The following PCDHA9 variants were observed in gnomAD, a reference collection of about 807,000 sequenced individuals.
The protein encoded by PCDHA9 is protocadherin alpha-9.
PCDHA9 carries 62 observed loss-of-function variants against 62.0 expected under a neutral mutation model. That is an observed-to-expected ratio of 1.00 (90% CI 0.81 to 1.23). The LOEUF (loss-of-function observed/expected upper bound fraction) is 1.23. PCDHA9 is among the 50% of genes most tolerant of loss of function. The pLI is 0.00. For synonymous variants in PCDHA9, 557 were observed against 567.6 expected (o/e 0.98, Z 0.27); for missense variants, 1,205 against 1,249.8 (o/e 0.96, Z 0.54).
chr5:140,974,744 T>A (rs966437450), intron 1 of PCDHA9, among the ~76,000 whole-genome samples: 11 of 152,144 alleles, frequency 7.2e-5, no homozygotes, highest in African/African-American at 2.4e-4. Context: ...CACCTTGGCC[T>A]CCCAAAGTGC....
chr5:140,935,257 C>A (rs1200153130), intron 1 of PCDHA9, among the ~76,000 whole-genome samples: 10 of 152,150 alleles, frequency 6.6e-5, no homozygotes, highest in South Asian at 4.1e-4. Context: ...AAATACATCA[C>A]ATGTTTATAC....
intron 1 of PCDHA9, chr5:140,871,028 C>T (rs782198197): frequency 1.2e-5 from 20 of 1,613,116 alleles, no homozygotes; most frequent in Admixed American, 1.7e-5. Context: ...GCAGACTCGC[C>T]GCGCCACCGA....
At chr5:140,986,861 C>T (rs1007036038) in intron 3 of PCDHA9, among the ~76,000 whole-genome samples, 12 of 152,086 alleles carry the variant, frequency 7.9e-5, no homozygotes, top group Non-Finnish European at 1.0e-4. Flanking sequence ...CAACAATACC[C>T]GGAAACTTGT....
chr5:140,968,234 A>T (rs1426230655), intron 1 of PCDHA9: 1 of 1,613,870 alleles, frequency 6.2e-7, no homozygotes, highest in Non-Finnish European at 8.5e-7. Flanking sequence ...GTTGCTCTGT[A>T]CTGTGCAAGC....
At chr5:140,866,115 A>G (rs537982409) in intron 1 of PCDHA9, 85 of 152,328 alleles carry the variant, frequency 5.6e-4, no homozygotes, top group African/African-American at 1.9e-3. Flanking sequence ...GAGTTGCCTT[A>G]TAAGAACTAC....
rs1255289031 is a variant in PCDHA9 at position 141,010,188 on chromosome 5, T to C, written c.*251T>C. On this transcript the variant is annotated 3_prime_UTR_variant, in exon 4 of 4. Transcript: ENST00000532602. Reference sequence around the variant, plus strand: ...CAGAACCTAAAAAGCAGACCCAAGTTTCCTTTCTCCTCCGCCGCAAAGGAG... The same window carrying C: ...CAGAACCTAAAAAGCAGACCCAAGTCTCCTTTCTCCTCCGCCGCAAAGGAG... 1.3e-6 allele frequency: 2 copies of C among 1,552,952 alleles called. No individual in the cohort carries two copies. Among genetic ancestry groups the C allele is most frequent in the Non-Finnish European group, 8.7e-7 (1 of 1,147,482 alleles).
At chr5:140,869,377 C>A (rs1055077118) in intron 1 of PCDHA9, 2 of 1,614,110 alleles carry the variant, frequency 1.2e-6, no homozygotes, top group Non-Finnish European at 8.5e-7. Context: ...TCGGATCGAC[C>A]GCGAGGAGCT....
At chr5:140,996,929 C>T (rs1437008519) in intron 3 of PCDHA9, among the ~76,000 whole-genome samples, 2 of 152,070 alleles carry the variant, frequency 1.3e-5, no homozygotes, top group African/African-American at 2.4e-5. Flanking sequence ...AAAAATATAG[C>T]ATTTTTGCAT....
Position 140,895,372 on chromosome 5 carries a change from T to C in PCDHA9, c.2394+44483T>C, listed in dbSNP as rs112463980. Among the ~76,000 whole-genome samples, 883 of 152,294 alleles carry C rather than the reference T, an allele frequency of 5.8e-3. 7 individuals carry two copies. The highest frequency in any genetic ancestry group is 0.021 in the African/African-American group (855 of 41,558). On this transcript the variant is annotated intron_variant, in intron 1 of 3. Coordinates refer to ENST00000532602, the MANE Select transcript of PCDHA9 (RefSeq NM_031857.2). The stretch of plus-strand genomic sequence containing the variant: ...CCAGTGAGTACTTATTGGCACTTTT[T>C]GGAGTTCTTCAATTCTCAACACCAT...
chr5:140,991,981 T>C (rs2097483028), intron 3 of PCDHA9, among the ~76,000 whole-genome samples: 1 of 152,008 alleles, frequency 6.6e-6, no homozygotes, highest in South Asian at 2.1e-4. Flanking sequence ...TTATTCTGCC[T>C]ACCACCCGGT....
intron 1 of PCDHA9, chr5:140,859,610 T>C (rs2045934130): frequency 6.2e-6 from 1 of 161,780 alleles, no homozygotes; most frequent in African/African-American, 2.4e-5. Context: ...CTTTTTTCTT[T>C]CCTTTCTCTT....
intron 1 of PCDHA9, among the ~76,000 whole-genome samples, chr5:140,958,822 A>G (rs1554223658): frequency 6.6e-6 from 1 of 152,146 alleles, no homozygotes; most frequent in Non-Finnish European, 1.5e-5. Context: ...TTTAATTTTT[A>G]TATCTTAAAG....
chr5:140,871,668 T>G (rs2053250173), intron 1 of PCDHA9: 6 of 1,174,012 alleles, frequency 5.1e-6, no homozygotes, highest in Non-Finnish European at 7.0e-6. Context: ...CTTCAGTCTT[T>G]TAATCATATG....
intron 1 of PCDHA9, among the ~76,000 whole-genome samples, chr5:140,908,325 T>C (rs189387427): frequency 6.6e-6 from 1 of 152,172 alleles, no homozygotes; most frequent in African/African-American, 2.4e-5. Flanking sequence ...GTGGAGACCA[T>C]GGGAATTTGA....
intron 1 of PCDHA9, chr5:140,856,200 T>C (rs1463727286): frequency 6.3e-7 from 1 of 1,597,908 alleles, no homozygotes; most frequent in Non-Finnish European, 8.6e-7. Flanking sequence ...GCGCAGGACC[T>C]GGGGCTGGAG....
intron 1 of PCDHA9, among the ~76,000 whole-genome samples, chr5:140,903,398 T>C (rs1011557575): frequency 1.3e-5 from 2 of 152,204 alleles, no homozygotes; most frequent in Admixed American, 1.3e-4. Context: ...CTAGAAACAG[T>C]AGTGCAGTCA....
chr5:141,009,654 C>T lies in PCDHA9; in HGVS notation c.2570C>T (p.Pro857Leu). 4 of 1,614,012 alleles carry T rather than the reference C, an allele frequency of 2.5e-6. No individual in the cohort carries two copies. The highest frequency in any genetic ancestry group is 3.4e-6 in the Non-Finnish European group (4 of 1,179,962). The change falls in exon 4 of 4, where the codon CCA becomes CTA. Residue 857 changes from proline to leucine, a missense_variant. Pro to Leu is a moderately conservative substitution (Grantham distance 98, BLOSUM62 -3). This residue lies in a region of PCDHA9 where 887 missense variants were observed against 809.5 expected (regional missense o/e 1.10). Coordinates refer to ENST00000532602, the MANE Select transcript of PCDHA9 (RefSeq NM_031857.2). ...CCAGAGGCAGGAGAAGTGTCCCCTC[C>T]AGTCGGTGCGGGTGTCAACAGCAAC... ...PEPEAGEVSP[P>L]VGAGVNSNSW...
chr5:140,882,927 C>A, intron 1 of PCDHA9: 1 of 1,614,104 alleles, frequency 6.2e-7, no homozygotes. Context: ...GGAGGTAAAC[C>A]CGAGCTGACT....
intron 1 of PCDHA9, chr5:140,869,092 A>G (rs782192400): frequency 1.7e-5 from 27 of 1,591,278 alleles, no homozygotes; most frequent in Non-Finnish European, 2.1e-5. Flanking sequence ...TTGGAAGCCA[A>G]TTTCGTATGC....
Sources: allele counts gnomAD v4.1 joint callset (sites outside exome capture counted in the v4.1 genomes callset), GRCh38; gene constraint gnomAD v4.1.1; regional missense constraint gnomAD v4.1.1; transcripts MANE v1.5; gene names NCBI Gene and HGNC (gene_info 2026-07-23, HGNC 2026-07-21).